WNT7A: variants seen among roughly 807,000 people sequenced by gnomAD.
The protein encoded by WNT7A is protein Wnt-7a.
A neutral mutation model predicts 28.2 loss-of-function variants in WNT7A; 16 were observed. That is an observed-to-expected ratio of 0.57 (90% CI 0.38 to 0.86). The LOEUF is 0.86. Among genes scored for constraint, WNT7A ranks in the 40% least tolerant of loss-of-function variants. The probability of loss-of-function intolerance (pLI) is 0.00; values close to 1 mark genes in which losing one functional copy is unlikely to be tolerated. For missense variants in WNT7A, 411 were observed against 489.7 expected (o/e 0.84, Z 1.52); for synonymous variants, 190 against 195.9 (o/e 0.97, Z 0.25).
intron 3 of WNT7A, among the ~76,000 whole-genome samples, chr3:13,836,875 C>T (rs376870462): frequency 1.2e-4 from 19 of 152,246 alleles, no homozygotes; most frequent in Middle Eastern, 6.8e-3. Context: ...ACCAAGGGAG[C>T]GGGTGTGGGT....
intron 1 of WNT7A, among the ~76,000 whole-genome samples, chr3:13,878,168 G>C (rs770548569): frequency 3.2e-4 from 48 of 152,258 alleles, no homozygotes; most frequent in African/African-American, 1.1e-3. Flanking sequence ...GGGCCAATCC[G>C]GGGAGGCCGC....
At chr3:13,852,117 C>T (rs377373725) in intron 3 of WNT7A, among the ~76,000 whole-genome samples, 11 of 152,338 alleles carry the variant, frequency 7.2e-5, no homozygotes, top group East Asian at 5.8e-4. Context: ...CATTTATTCT[C>T]CTTCGACTGC....
intron 2 of WNT7A, among the ~76,000 whole-genome samples, chr3:13,866,127 GA>G (rs1168320614): frequency 6.6e-6 from 1 of 152,192 alleles, no homozygotes; most frequent in African/African-American, 2.4e-5. Context: ...CTGCAGAGAG[GA>G]GTTGGGGCAG....
At chr3:13,838,242 C>T (rs143454697) in intron 3 of WNT7A, among the ~76,000 whole-genome samples, 2 of 152,162 alleles carry the variant, frequency 1.3e-5, no homozygotes. Flanking sequence ...CCCAGAGGGA[C>T]GTGGGTTTCT....
chr3:13,837,235 C>T (rs1358690639), intron 3 of WNT7A, among the ~76,000 whole-genome samples: 1 of 152,180 alleles, frequency 6.6e-6, no homozygotes, highest in African/African-American at 2.4e-5. Flanking sequence ...ATTCCTGCCC[C>T]AGGACTCCAC....
intron 3 of WNT7A, among the ~76,000 whole-genome samples, chr3:13,836,807 T>C (rs1449056270): frequency 6.6e-6 from 1 of 152,152 alleles, no homozygotes; most frequent in East Asian, 1.9e-4. Flanking sequence ...CACTGGAAAT[T>C]CGAGGGAAGG....
chr3:13,865,472 T>C (rs1218026747), intron 2 of WNT7A, among the ~76,000 whole-genome samples: 1 of 152,158 alleles, frequency 6.6e-6, no homozygotes, highest in East Asian at 1.9e-4. Context: ...GCTAACAGGA[T>C]GGTTGATCAA....
At position 13,848,068 on chromosome 3, in the gene WNT7A, A is replaced by T. The variant is rs188271505; in HGVS notation, c.570+6464T>A. 5.0e-3 allele frequency among the ~76,000 whole-genome samples: 426 copies of T among 85,376 alleles called. 3 individuals carry two copies. Among genetic ancestry groups the T allele is most frequent in the African/African-American group, 0.023 (364 of 16,146 alleles). The allele number at this position is 85,376 out of a possible 152,430, so 56.0% of individuals were successfully genotyped here. A position where few individuals can be genotyped will look rare whatever the true frequency, so the allele number is the denominator to read the frequency against. Reference sequence around the variant, plus strand: ...ATTTTTTTAAATTAATGAATTTTTTAAAAAAAACAGGTCACAGAGTTAAAT... The same window carrying T: ...ATTTTTTTAAATTAATGAATTTTTTTAAAAAAACAGGTCACAGAGTTAAAT... On this transcript the variant is annotated intron_variant, in intron 3 of 3. Transcript: ENST00000285018.
intron 2 of WNT7A, among the ~76,000 whole-genome samples, chr3:13,867,842 T>A (rs1694936310): frequency 6.6e-6 from 1 of 152,160 alleles, no homozygotes; most frequent in African/African-American, 2.4e-5. Context: ...TACAGGAAGA[T>A]ATTTCAACCT....
At chr3:13,846,996 G>A (rs1205592916) in intron 3 of WNT7A, among the ~76,000 whole-genome samples, 1 of 152,166 alleles carries the variant, frequency 6.6e-6, no homozygotes, top group African/African-American at 2.4e-5. Context: ...TGTGGGAAGG[G>A]CCGCCCCTGC....
rs557590625 is a variant in WNT7A, at chr3:13,858,692, C to T, written c.299-3889G>A. ...CTCAGCACCCACTGCCCCTGACAAG[C>T]GAAGGCTGTAGTCAAGACACCGATG... On this transcript the variant is annotated intron_variant, in intron 2 of 3. Coordinates refer to ENST00000285018, the MANE Select transcript of WNT7A (RefSeq NM_004625.4). Among the ~76,000 whole-genome samples, 253 of 152,308 alleles carry T rather than the reference C, an allele frequency of 1.7e-3. 1 individual carries two copies. The highest frequency in any genetic ancestry group is 5.8e-3 in the African/African-American group (243 of 41,566).
At chr3:13,845,076 T>G (rs1490482467) in intron 3 of WNT7A, among the ~76,000 whole-genome samples, 1 of 152,228 alleles carries the variant, frequency 6.6e-6, no homozygotes, top group Non-Finnish European at 1.5e-5. Context: ...GGCCTCGCCA[T>G]GCTGCCCCCT....
intron 3 of WNT7A, 131 bp downstream of exon 3, chr3:13,854,401 G>T: frequency 6.8e-7 from 1 of 1,462,534 alleles, no homozygotes; most frequent in South Asian, 1.2e-5. Context: ...GCTGATGCCA[G>T]CACCAAGCAG....
At chr3:13,873,559 G>T (rs954410523) in intron 2 of WNT7A, among the ~76,000 whole-genome samples, 2 of 152,176 alleles carry the variant, frequency 1.3e-5, no homozygotes, top group Non-Finnish European at 2.9e-5. Flanking sequence ...GCCTGCTGCA[G>T]GGATGGGTAA....
At chr3:13,819,491 C>A in intron 3 of WNT7A, 68 bp from the exon 4 acceptor site, 1 of 1,532,478 alleles carries the variant, frequency 6.5e-7, no homozygotes, top group Non-Finnish European at 8.8e-7. Context: ...CAGCCCCCAG[C>A]TCCCCCCCGC....
chr3:13,860,756 C>T (rs113066860), intron 2 of WNT7A, among the ~76,000 whole-genome samples: 2,184 of 152,224 alleles, frequency 0.014, 22 homozygotes, highest in Middle Eastern at 0.051. Flanking sequence ...CTCAGCTGTA[C>T]GGGGAAGCCC....
chr3:13,871,639 C>T (rs1304666888), intron 2 of WNT7A, among the ~76,000 whole-genome samples: 1 of 151,994 alleles, frequency 6.6e-6, no homozygotes, highest in Non-Finnish European at 1.5e-5. Context: ...TAGTTTGTCA[C>T]TCTCCCTCCT....
intron 3 of WNT7A, among the ~76,000 whole-genome samples, chr3:13,822,841 G>A (rs873853): frequency 0.2 from 30,820 of 152,106 alleles, 3,529 homozygotes; most frequent in East Asian, 0.56. Flanking sequence ...GGCTACTACC[G>A]TGGTGGGCCC....
Position 13,879,782 on chromosome 3 carries a change from A to AGGTG in WNT7A, c.31_34dup (p.Leu12ProfsTer29), listed in dbSNP as rs1463149810. ...GTAGACCATGCCCAGGCTGAGAAAG[A>AGGTG]GGTGGCCCAGGCAGCGCCGCGCTTT... is the stretch of plus-strand genomic sequence containing the variant. On this transcript the variant is annotated frameshift_variant, in exon 1 of 4. Transcript: ENST00000285018. LOFTEE classifies it high-confidence loss of function. 1 of 1,612,368 alleles carries AGGTG rather than the reference A, an allele frequency of 6.2e-7. No individual in the cohort carries two copies. Among genetic ancestry groups the AGGTG allele is most frequent in the Non-Finnish European group, 8.5e-7 (1 of 1,179,088 alleles).
Sources: allele counts gnomAD v4.1 joint callset (sites outside exome capture counted in the v4.1 genomes callset), GRCh38; gene constraint gnomAD v4.1.1; transcripts MANE v1.5; gene names NCBI Gene and HGNC (gene_info 2026-07-23, HGNC 2026-07-21).